Variants in VEGFC observed in about 807,000 individuals in gnomAD.
The protein encoded by VEGFC is vascular endothelial growth factor C, also known as FLT4 ligand DHM.
VEGFC carries 12 observed loss-of-function variants against 46.1 expected under a neutral mutation model. The observed-to-expected ratio is 0.26, with a 90% confidence interval of 0.17 to 0.42. VEGFC has a LOEUF of 0.42. Among genes scored for constraint, VEGFC ranks in the 10% least tolerant of loss-of-function variants. The pLI is 1.00. For missense variants in VEGFC, 488 were observed against 529.4 expected (o/e 0.92, Z 0.77); for synonymous variants, 232 against 195.5 (o/e 1.19, Z -1.56).
At chr4:176,749,645 T>C (rs935890912) in intron 1 of VEGFC, among the ~76,000 whole-genome samples, 5 of 151,942 alleles carry the variant, frequency 3.3e-5, no homozygotes, top group East Asian at 1.9e-4. Flanking sequence ...AAAATATTTA[T>C]AGAATATAAA....
chr4:176,747,021 C>T (rs910213630), intron 1 of VEGFC, among the ~76,000 whole-genome samples: 1 of 152,038 alleles, frequency 6.6e-6, no homozygotes, highest in African/African-American at 2.4e-5. Context: ...GTGCGTCTGC[C>T]GCATAGCAAT....
chr4:176,770,796 C>T (rs1329851787), intron 1 of VEGFC, among the ~76,000 whole-genome samples: 7 of 152,086 alleles, frequency 4.6e-5, no homozygotes, highest in African/African-American at 1.7e-4. Flanking sequence ...ACACTGAGGC[C>T]TGTCATAGAC....
chr4:176,698,939 A>G (rs1388537460), intron 4 of VEGFC, among the ~76,000 whole-genome samples: 3 of 152,190 alleles, frequency 2.0e-5, no homozygotes, highest in African/African-American at 4.8e-5. Context: ...GATTTATGTT[A>G]AACTACTTAT....
intron 1 of VEGFC, among the ~76,000 whole-genome samples, chr4:176,771,457 AT>A (rs1336833687): frequency 6.6e-6 from 1 of 152,226 alleles, no homozygotes; most frequent in Non-Finnish European, 1.5e-5. Flanking sequence ...AATTTGAATA[AT>A]AAAGCAATAT....
At chr4:176,723,241 G>T (rs1453781088) in intron 3 of VEGFC, among the ~76,000 whole-genome samples, 1 of 151,924 alleles carries the variant, frequency 6.6e-6, no homozygotes, top group Non-Finnish European at 1.5e-5. Context: ...ATCTCATCTA[G>T]TCATCTGGAT....
intron 4 of VEGFC, among the ~76,000 whole-genome samples, chr4:176,694,529 T>C (rs1053111749): frequency 6.6e-6 from 1 of 151,822 alleles, no homozygotes; most frequent in Non-Finnish European, 1.5e-5. Flanking sequence ...ACATTAATAA[T>C]GGGAGACTTT....
chr4:176,765,624 C>T (rs1290658602), intron 1 of VEGFC, among the ~76,000 whole-genome samples: 3 of 145,960 alleles, frequency 2.1e-5, no homozygotes, highest in African/African-American at 5.1e-5. Flanking sequence ...GGCGTGATCT[C>T]GGCTCACTGT....
At chr4:176,740,241 GA>G (rs1293699078) in intron 1 of VEGFC, among the ~76,000 whole-genome samples, 1 of 109,844 alleles carries the variant, frequency 9.1e-6, no homozygotes, top group Non-Finnish European at 1.7e-5. Flanking sequence ...ACTATATATA[GA>G]ATATATATAT....
chr4:176,776,641 A>ATATG (rs1735818192), intron 1 of VEGFC, among the ~76,000 whole-genome samples: 1 of 152,252 alleles, frequency 6.6e-6, no homozygotes, highest in Non-Finnish European at 1.5e-5. Context: ...AGAGAGAAGA[A>ATATG]TATGGGTCAG....
rs150850711 is a variant in VEGFC at position 176,748,915 on chromosome 4, G to C, written c.148-19169C>G. Among the ~76,000 whole-genome samples the C allele has an allele frequency of 6.1e-4, 92 of 151,912 alleles. 1 individual carries two copies. The East Asian group carries it at 0.011, about 18-fold the overall frequency. On this transcript the variant is annotated intron_variant, in intron 1 of 6. Transcript: ENST00000618562. ...GAGTATAAAATATTTAACTACAAAA[G>C]ACTGTTGGAATAAAACCATATGGAA...
chr4:176,766,493 G>A (rs1302422563), intron 1 of VEGFC, among the ~76,000 whole-genome samples: 1 of 151,842 alleles, frequency 6.6e-6, no homozygotes, highest in Non-Finnish European at 1.5e-5. Context: ...AGACTGAGGT[G>A]GGAGGACTGC....
intron 4 of VEGFC, among the ~76,000 whole-genome samples, chr4:176,695,759 C>T (rs1003430628): frequency 2.0e-5 from 3 of 151,986 alleles, no homozygotes; most frequent in African/African-American, 7.3e-5. Flanking sequence ...AATCCAGCAG[C>T]ACATCAAAAA....
chr4:176,792,883 A>AGCGGCGGCGGCGGCGGCG lies in VEGFC; in HGVS notation c.-590_-573dup, dbSNP rs1004741257. Among the ~76,000 whole-genome samples, 1 of 144,820 alleles carries AGCGGCGGCGGCGGCGGCG rather than the reference A, an allele frequency of 6.9e-6. No individual in the cohort carries two copies. The highest frequency in any genetic ancestry group is 2.5e-5 in the African/African-American group (1 of 39,810). On this transcript the variant is annotated 5_prime_UTR_variant, in exon 1 of 7. Coordinates refer to ENST00000618562, the MANE Select transcript of VEGFC (RefSeq NM_005429.5). This position sits in a 1 kb window ranked among gnomAD's most constrained non-coding sequence, Gnocchi z 6.3. ...GGATCCTCCAGAGCGCGCCGGGCTG[A>AGCGGCGGCGGCGGCGGCG]GCGGCGGCGGCGGCGGCGGCGGGCG...
rs1301495096 is a variant in VEGFC, at chr4:176,792,640, G to C, written c.-329C>G. 1.3e-5 allele frequency: 3 copies of C among 227,742 alleles called. No individual in the cohort carries two copies. Among genetic ancestry groups the C allele is most frequent in the Non-Finnish European group, 2.5e-5 (3 of 118,368 alleles). The allele number at this position is 227,742 out of a possible 1,614,324, so 14.1% of individuals were successfully genotyped here. On this transcript the variant is annotated 5_prime_UTR_variant, in exon 1 of 7. Coordinates refer to ENST00000618562, the MANE Select transcript of VEGFC (RefSeq NM_005429.5). This position sits in a 1 kb window ranked among gnomAD's most constrained non-coding sequence, Gnocchi z 6.3. ...CGCCGCCGCGGTCCGCGTCGGTGTAGCTTTTTGGAGAGGCGGGGCGGGGGA... is the reference window on the plus strand; with the variant it reads ...CGCCGCCGCGGTCCGCGTCGGTGTACCTTTTTGGAGAGGCGGGGCGGGGGA...
chr4:176,696,076 G>A (rs1309188227), intron 4 of VEGFC, among the ~76,000 whole-genome samples: 2 of 149,204 alleles, frequency 1.3e-5, no homozygotes, highest in Non-Finnish European at 3.0e-5. Flanking sequence ...ACTGGCACAA[G>A]ACAGGGATGC....
intron 4 of VEGFC, among the ~76,000 whole-genome samples, chr4:176,705,182 G>C (rs1734511857): frequency 6.6e-6 from 1 of 152,036 alleles, no homozygotes; most frequent in African/African-American, 2.4e-5. Flanking sequence ...TAGAAGACCT[G>C]ACATAAATGT....
chr4:176,784,690 T>C (rs2110950996), intron 1 of VEGFC, among the ~76,000 whole-genome samples: 1 of 143,068 alleles, frequency 7.0e-6, no homozygotes, highest in East Asian at 2.1e-4. Context: ...GAGGCGGAGC[T>C]TGCAGTGAGC....
intron 4 of VEGFC, among the ~76,000 whole-genome samples, chr4:176,701,790 C>T (rs1291631281): frequency 6.6e-6 from 1 of 152,028 alleles, no homozygotes; most frequent in East Asian, 1.9e-4. Context: ...AGGATAATTT[C>T]AGGGGAGACT....
chr4:176,742,243 T>C (rs1011637632), intron 1 of VEGFC, among the ~76,000 whole-genome samples: 1 of 152,098 alleles, frequency 6.6e-6, no homozygotes, highest in Non-Finnish European at 1.5e-5. Flanking sequence ...GCAGAGTCCA[T>C]GTTGCTGCAA....
Sources: gnomAD v4.1 joint callset for allele counts (sites outside exome capture counted in the v4.1 genomes callset) on GRCh38, gnomAD v4.1.1 for gene constraint, Gnocchi (gnomAD v3.1) non-coding constraint, MANE v1.5 for transcripts, NCBI Gene and HGNC (gene_info 2026-07-23, HGNC 2026-07-21) for gene names.